The following ZNF18 variants were observed in gnomAD, a reference collection of about 807,000 sequenced individuals.
The protein encoded by ZNF18 is zinc finger protein 18.
A neutral mutation model predicts 58.1 loss-of-function variants in ZNF18; 42 were observed. The ratio of observed to expected loss-of-function variants is 0.72; its 90% CI spans 0.56 to 0.93. ZNF18 has a LOEUF of 0.93. Among genes scored for constraint, ZNF18 ranks in the 40% least tolerant of loss-of-function variants. The probability of loss-of-function intolerance (pLI) is 0.00; values close to 1 mark genes in which losing one functional copy is unlikely to be tolerated. For missense variants in ZNF18, 540 were observed against 644.2 expected (o/e 0.84, Z 1.75); for synonymous variants, 231 against 239.8 (o/e 0.96, Z 0.34).
At chr17:11,996,835 G>A (rs1293771771) in intron 1 of ZNF18, 2 of 152,164 alleles carry the variant, frequency 1.3e-5, no homozygotes. Context: ...AGGAACCTCC[G>A]AGGCTCACAA....
chr17:11,984,222 T>C (rs774636101), intron 4 of ZNF18, 25 bp from the exon 5 acceptor site: 15 of 1,470,576 alleles, frequency 1.0e-5, no homozygotes, highest in Non-Finnish European at 1.4e-5. Context: ...AAAAAAGCAA[T>C]ACAATACCAT....
intron 6 of ZNF18, among the ~76,000 whole-genome samples, chr17:11,982,344 C>T (rs972798365): frequency 5.3e-5 from 8 of 152,156 alleles, no homozygotes; most frequent in African/African-American, 1.9e-4. Context: ...TCTGATATTT[C>T]CTCTTCAATC....
chr17:12,016,150 A>G, the ZNF18 span, among the ~76,000 whole-genome samples: 2 of 152,080 alleles, frequency 1.3e-5, no homozygotes, highest in African/African-American at 4.8e-5. Flanking sequence ...AAATGCACAA[A>G]TCTTTAGCAT....
intron 6 of ZNF18, among the ~76,000 whole-genome samples, chr17:11,981,067 T>C (rs1967310238): frequency 6.6e-6 from 1 of 152,152 alleles, no homozygotes; most frequent in Non-Finnish European, 1.5e-5. Flanking sequence ...TAACAGCATA[T>C]TCACTCTCTA....
Position 11,977,774 on chromosome 17 carries a change from T to G in ZNF18, c.*183A>C. Reference sequence around the variant, plus strand: ...GAGGCAGAATCAAGAATTTAAGCCATTGTGCAATCCAATCCAAGATATCCT... The same window carrying G: ...GAGGCAGAATCAAGAATTTAAGCCAGTGTGCAATCCAATCCAAGATATCCT... On this transcript the variant is annotated 3_prime_UTR_variant, in exon 7 of 7. Transcript: ENST00000580306. 1.6e-6 allele frequency: 1 copy of G among 611,228 alleles called. No individual in the cohort carries two copies. The allele number at this position is 611,228 out of a possible 1,614,324, so 37.9% of individuals were successfully genotyped here. A position where few individuals can be genotyped will look rare whatever the true frequency, so the allele number is the denominator to read the frequency against.
intron 2 of ZNF18, among the ~76,000 whole-genome samples, chr17:11,992,203 C>T (rs1487488832): frequency 2.0e-5 from 3 of 152,152 alleles, no homozygotes; most frequent in African/African-American, 7.2e-5. Context: ...GCCCCTGGGA[C>T]TTGTGACTGG....
chr17:12,004,978 A>G, the ZNF18 span, among the ~76,000 whole-genome samples: 1 of 151,132 alleles, frequency 6.6e-6, no homozygotes, highest in African/African-American at 2.4e-5. Flanking sequence ...ATTTATGTGT[A>G]TATTTACACT....
chr17:11,999,813 T>C (rs571113401), upstream of ZNF18, among the ~76,000 whole-genome samples: 32 of 152,310 alleles, frequency 2.1e-4, no homozygotes, highest in South Asian at 6.4e-3. Flanking sequence ...TTATATAGGA[T>C]GGTCAGGGAA....
the ZNF18 span, chr17:12,020,693 G>C: frequency 2.8e-6 from 1 of 357,058 alleles, no homozygotes; most frequent in Non-Finnish European, 5.0e-6. Context: ...CGCACCCAGA[G>C]CCGGGCGGTT....
chr17:12,004,899 A>G, the ZNF18 span, among the ~76,000 whole-genome samples: 1 of 151,122 alleles, frequency 6.6e-6, no homozygotes, highest in African/African-American at 2.4e-5. Flanking sequence ...AAAAAAAAAA[A>G]AAAAAAAGAA....
chr17:12,002,476 A>T, the ZNF18 span: 13 of 152,198 alleles, frequency 8.5e-5, no homozygotes, highest in African/African-American at 3.1e-4. Context: ...CATTGATGAG[A>T]GTCAGACATG....
intron 4 of ZNF18, 105 bp downstream of exon 4, chr17:11,990,357 G>A: frequency 1.1e-6 from 1 of 916,790 alleles, no homozygotes; most frequent in Non-Finnish European, 1.6e-6. Context: ...ACAGACAGCA[G>A]ATCAGAGGTT....
upstream of ZNF18, among the ~76,000 whole-genome samples, chr17:12,000,548 A>C (rs1230981515): frequency 6.6e-6 from 1 of 152,162 alleles, no homozygotes; most frequent in Non-Finnish European, 1.5e-5. Flanking sequence ...GTCTCTACTA[A>C]AAATACAAAA....
intron 5 of ZNF18, 60 bp from the exon 6 acceptor site, chr17:11,983,467 T>C (rs1392094464): frequency 4.3e-6 from 6 of 1,385,790 alleles, no homozygotes; most frequent in South Asian, 1.2e-5. Flanking sequence ...GAGCTCAAGC[T>C]GTGTCTTTCA....
intron 6 of ZNF18, among the ~76,000 whole-genome samples, chr17:11,981,283 G>A (rs1228610000): frequency 6.6e-6 from 1 of 150,966 alleles, no homozygotes; most frequent in Non-Finnish European, 1.5e-5. Context: ...CGTTGCTGCC[G>A]GATTCATCTT....
In ZNF18 at chr17:11,995,761, G is replaced by C. The variant is rs1055418726; in HGVS notation, c.-83+1670C>G. The stretch of plus-strand genomic sequence containing the variant: ...CGACTTGCTCTAATTGACATTTTCA[G>C]AACACTAGACCCAAGAACTGCAGAG... On this transcript the variant is annotated intron_variant, in intron 1 of 6. Transcript: ENST00000580306. 3 of 151,188 alleles carry C rather than the reference G, an allele frequency of 2.0e-5. No homozygotes were observed. The East Asian group carries it at 5.8e-4, about 29-fold the overall frequency. The allele number at this position is 151,188 out of a possible 1,614,324, so 9.4% of individuals were successfully genotyped here.
chr17:12,000,015 G>A (rs1483564983), upstream of ZNF18, among the ~76,000 whole-genome samples: 1 of 152,158 alleles, frequency 6.6e-6, no homozygotes, highest in African/African-American at 2.4e-5. Context: ...TCCGACTCCA[G>A]GTTTAAGTGA....
chr17:11,981,662 G>A (rs995814471), intron 6 of ZNF18, among the ~76,000 whole-genome samples: 2 of 150,940 alleles, frequency 1.3e-5, no homozygotes, highest in Non-Finnish European at 2.9e-5. Context: ...AACAAAAAAC[G>A]AGTAGGAATA....
chr17:11,985,817 G>C (rs564911641), intron 4 of ZNF18, among the ~76,000 whole-genome samples: 162 of 152,288 alleles, frequency 1.1e-3, no homozygotes, highest in Non-Finnish European at 1.9e-3. Context: ...CTCACCCCAA[G>C]GGTTTGCAGA....
Sources: allele counts gnomAD v4.1 joint callset (sites outside exome capture counted in the v4.1 genomes callset), GRCh38; gene constraint gnomAD v4.1.1; transcripts MANE v1.5; gene names NCBI Gene and HGNC (gene_info 2026-07-23, HGNC 2026-07-21).